The following NECTIN3 variants were observed in gnomAD, a reference collection of about 807,000 sequenced individuals.
NECTIN3 encodes nectin cell adhesion molecule 3.
NECTIN3 carries 8 observed loss-of-function variants against 49.4 expected under a neutral mutation model. The ratio of observed to expected loss-of-function variants is 0.16; its 90% confidence interval spans 0.10 to 0.29. The LOEUF is 0.29. Ranked by LOEUF, NECTIN3 falls within the 10% of genes least tolerant of loss-of-function variation. The probability of loss-of-function intolerance (pLI) is 1.00; values close to 1 mark genes in which losing one functional copy is unlikely to be tolerated. For synonymous variants in NECTIN3, 277 were observed against 241.1 expected (o/e 1.15, Z -1.38); for missense variants, 581 against 654.6 (o/e 0.89, Z 1.23).
downstream of NECTIN3, among the ~76,000 whole-genome samples, chr3:111,140,506 T>A (rs980979840): frequency 9.1e-6 from 1 of 109,368 alleles, no homozygotes; most frequent in Non-Finnish European, 1.6e-5. Context: ...TTATGTGGGG[T>A]TTTTTTGCCA....
At chr3:111,166,563 CT>C (rs1242328364) in intron 7 of NECTIN3, among the ~76,000 whole-genome samples, 1 of 152,176 alleles carries the variant, frequency 6.6e-6, no homozygotes, top group Non-Finnish European at 1.5e-5. Context: ...AGATAAATGA[CT>C]TTCTTATATT....
upstream of NECTIN3, among the ~76,000 whole-genome samples, chr3:111,191,438 C>T (rs1001132085): frequency 2.0e-5 from 3 of 152,096 alleles, no homozygotes; most frequent in Admixed American, 1.3e-4. Context: ...AAAAGGGTGG[C>T]CATCTCTGCT....
At chr3:111,079,166 CTG>C (rs1422219564) in intron 1 of NECTIN3, among the ~76,000 whole-genome samples, 7 of 152,000 alleles carry the variant, frequency 4.6e-5, no homozygotes, top group Admixed American at 1.3e-4. Context: ...AATATAGTAA[CTG>C]TGAATTATTC....
chr3:111,141,954 G>A (rs1225112979), downstream of NECTIN3, among the ~76,000 whole-genome samples: 1 of 151,796 alleles, frequency 6.6e-6, no homozygotes, highest in Non-Finnish European at 1.5e-5. Flanking sequence ...TAGAGTCTAT[G>A]AAGTATGTAT....
chr3:111,120,813 G>C (rs9882945), intron 3 of NECTIN3, among the ~76,000 whole-genome samples: 130,195 of 151,936 alleles, frequency 0.86, 57,604 homozygotes, highest in Non-Finnish European at 0.97. Context: ...CCAGCCCCAT[G>C]CCCAACTTAA....
chr3:111,081,011 A>C (rs6414247), intron 1 of NECTIN3, among the ~76,000 whole-genome samples: 1 of 152,300 alleles, frequency 6.6e-6, no homozygotes, highest in South Asian at 2.1e-4. Context: ...GGCTGGGTGC[A>C]GTGGCTCACG....
chr3:111,192,675 C>T (rs572331023), intron 1 of NECTIN3, among the ~76,000 whole-genome samples: 2 of 152,172 alleles, frequency 1.3e-5, no homozygotes, highest in African/African-American at 2.4e-5. Context: ...GTGGCAAGGT[C>T]AAGCCAGAAG....
chr3:111,150,376 A>G (rs1173515005), intron 7 of NECTIN3, among the ~76,000 whole-genome samples: 2 of 151,966 alleles, frequency 1.3e-5, no homozygotes, highest in Non-Finnish European at 2.9e-5. Context: ...ATTTTTAACA[A>G]TCCTAAAACC....
At chr3:111,131,255 A>G (rs1324333050) in intron 5 of NECTIN3, among the ~76,000 whole-genome samples, 1 of 152,046 alleles carries the variant, frequency 6.6e-6, no homozygotes, top group African/African-American at 2.4e-5. Context: ...GAAGAACTAT[A>G]AAAGTCATTA....
chr3:111,074,092 A>C, intron 1 of NECTIN3: 1 of 385,686 alleles, frequency 2.6e-6, no homozygotes, highest in South Asian at 1.9e-5. Flanking sequence ...TCATTTAAAC[A>C]GCTTCCTTTT....
At chr3:111,156,487 G>C (rs2035101146) in intron 7 of NECTIN3, among the ~76,000 whole-genome samples, 1 of 150,862 alleles carries the variant, frequency 6.6e-6, no homozygotes, top group Non-Finnish European at 1.5e-5. Context: ...TTTTGGTTTA[G>C]AAAGATTTAA....
intron 7 of NECTIN3, among the ~76,000 whole-genome samples, chr3:111,179,139 T>C (rs1305982243): frequency 6.6e-6 from 1 of 152,218 alleles, no homozygotes; most frequent in Non-Finnish European, 1.5e-5. Flanking sequence ...TTTAATCATG[T>C]TGCCATTATT....
rs1490969249 is a variant in NECTIN3 at position 111,135,645 on chromosome 3, ATATAT to A, written c.*1434_*1438del. 1 of 963,422 alleles carries A rather than the reference ATATAT, an allele frequency of 1.0e-6. No homozygotes were observed. The allele number at this position is 963,422 out of a possible 1,614,324, so 59.7% of individuals were successfully genotyped here. Reference sequence around the variant, plus strand: ...AGTTAGTAGGAGAATCATAAATTAAATATATTATTTTGTTAATAAAAAGGCAAAGT... The same window carrying A: ...AGTTAGTAGGAGAATCATAAATTAAATATTTTGTTAATAAAAAGGCAAAGT... On this transcript the variant is annotated 3_prime_UTR_variant, in exon 6 of 6. Transcript: ENST00000485303.
At chr3:111,180,067 C>T (rs2035600195) in intron 7 of NECTIN3, among the ~76,000 whole-genome samples, 1 of 152,098 alleles carries the variant, frequency 6.6e-6, no homozygotes, top group Non-Finnish European at 1.5e-5. Flanking sequence ...ACAGCAACCC[C>T]ATTGACATTC....
chr3:111,137,062 A>G lies in NECTIN3; in HGVS notation c.*2847A>G, dbSNP rs571002881. 1,235 of 982,762 alleles carry G rather than the reference A, an allele frequency of 1.3e-3. 2 individuals carry two copies. Among genetic ancestry groups the G allele is most frequent in the Non-Finnish European group, 1.4e-3 (1,165 of 827,640 alleles). 60.9% of individuals were successfully genotyped at this position (982,762 alleles called of 1,614,324 possible). A position where few individuals can be genotyped will look rare whatever the true frequency, so the allele number is the denominator to read the frequency against. ...AAGTTTTATAAGATAACCCACGGCT[A>G]AATATTTTGCATTAAGGAGCTGTAG... is the stretch of plus-strand genomic sequence containing the variant. On this transcript the variant is annotated 3_prime_UTR_variant, in exon 6 of 6. Transcript: ENST00000485303.
Position 111,133,914 on chromosome 3 carries a change from A to G in NECTIN3, c.1349A>G (p.Gln450Arg), listed in dbSNP as rs2034483091. The change falls in exon 6 of 6, where the codon CAA becomes CGA. Residue 450 changes from glutamine to arginine, a missense_variant. By Grantham distance (43) the Gln-to-Arg change is conservative. Transcript: ENST00000485303. ...AKNYIPPSDM[Q>R]KESQIDVLQQ... Reference sequence around the variant, plus strand: ...AACTACATTCCACCATCAGATATGCAAAAAGAATCACAAATAGATGTTCTT... The same window carrying G: ...AACTACATTCCACCATCAGATATGCGAAAAGAATCACAAATAGATGTTCTT... The G allele has an allele frequency of 2.5e-6, 4 of 1,613,974 alleles. No homozygotes were observed. Among genetic ancestry groups the G allele is most frequent in the Non-Finnish European group, 3.4e-6 (4 of 1,179,888 alleles).
At chr3:111,116,090 T>TG (rs1447098605) in intron 2 of NECTIN3, among the ~76,000 whole-genome samples, 1 of 152,088 alleles carries the variant, frequency 6.6e-6, no homozygotes, top group African/African-American at 2.4e-5. Context: ...CAGAATCATC[T>TG]GGGTAGTAGT....
chr3:111,072,674 C>T, intron 1 of NECTIN3: 1 of 1,185,398 alleles, frequency 8.4e-7, no homozygotes, highest in Admixed American at 2.2e-5. Flanking sequence ...CCCACCCAGC[C>T]GCAGAATCCC....
rs1362880599 is a variant in NECTIN3 at position 111,137,029 on chromosome 3, A to G, written c.*2814A>G. ...AGTAAGTGTTGCTTCTAATAGCCAT[A>G]TACAGGAAAGTTTTATAAGATAACC... On this transcript the variant is annotated 3_prime_UTR_variant, in exon 6 of 6. Transcript: ENST00000485303. 1.0e-6 allele frequency: 1 copy of G among 977,708 alleles called. No individual in the cohort carries two copies. Among genetic ancestry groups the G allele is most frequent in the Non-Finnish European group, 1.2e-6 (1 of 823,196 alleles). The allele number at this position is 977,708 out of a possible 1,614,324, so 60.6% of individuals were successfully genotyped here.
Sources: gnomAD v4.1 joint callset for allele counts (sites outside exome capture counted in the v4.1 genomes callset) on GRCh38, gnomAD v4.1.1 for gene constraint, MANE v1.5 for transcripts, NCBI Gene and HGNC (gene_info 2026-07-23, HGNC 2026-07-21) for gene names.